The following NADSYN1 variants were observed in gnomAD, a reference collection of about 807,000 sequenced individuals.
The protein encoded by NADSYN1 is glutamine-dependent NAD(+) synthetase.
In NADSYN1, 80 loss-of-function variants were observed where a neutral mutation model predicts 99.3. That is an observed-to-expected ratio of 0.81 (90% CI 0.67 to 0.97). NADSYN1 has a LOEUF of 0.97. Among genes scored for constraint, NADSYN1 ranks in the 50% least tolerant of loss-of-function variants. The pLI is 0.00. For missense variants in NADSYN1, 859 were observed against 948.5 expected, an observed-to-expected ratio of 0.91 and a Z score of 1.24; for synonymous variants, 385 against 372.1, an observed-to-expected ratio of 1.03 and a Z score of -0.40.
At chr11:71,480,927 C>G (rs773566799) in intron 11 of NADSYN1, 48 bp downstream of exon 11, 18 of 1,607,646 alleles carry the variant, frequency 1.1e-5, no homozygotes, top group Non-Finnish European at 1.5e-5. Context: ...TGTGTGGCCA[C>G]GCCCCTGGGG....
intron 3 of NADSYN1, among the ~76,000 whole-genome samples, chr11:71,461,675 C>T (rs890765527): frequency 6.6e-5 from 10 of 152,210 alleles, no homozygotes; most frequent in Non-Finnish European, 1.2e-4. Flanking sequence ...GATCCGCCTG[C>T]CTCAGCCTCC....
intron 3 of NADSYN1, among the ~76,000 whole-genome samples, chr11:71,459,223 G>A (rs1272930197): frequency 6.8e-6 from 1 of 146,180 alleles, no homozygotes; most frequent in African/African-American, 2.6e-5. Flanking sequence ...TGCGGTCCCT[G>A]CATAGCCGCC....
chr11:71,483,003 C>T lies in NADSYN1; in HGVS notation c.1305C>T (p.Ala435=). 1.9e-6 allele frequency: 3 copies of T among 1,612,110 alleles called. No individual in the cohort carries two copies. Among genetic ancestry groups the T allele is most frequent in the Non-Finnish European group, 2.5e-6 (3 of 1,179,578 alleles). The change falls in exon 14 of 21, where the codon GCC becomes GCT. Residue 435 remains alanine (A), a synonymous_variant. Transcript: ENST00000319023. ...CGTGCACCCGGGCCAGAGAGTTGGC[C>T]CAGCAGATTGGAAGGTAGAGTTGGT... ...QETCTRAREL[A]QQIGSHHISL... is the part of the protein sequence containing the mutation.
rs1382754897 is a variant in NADSYN1, at chr11:71,463,493, C to T, written c.317+8C>T. The T allele has an allele frequency of 3.1e-6, 5 of 1,613,408 alleles. No individual in the cohort carries two copies. The highest frequency in any genetic ancestry group is 4.2e-6 in the Non-Finnish European group (5 of 1,179,562). On this transcript the variant is annotated splice_region_variant and intron_variant, in intron 4 of 20. Coordinates refer to ENST00000319023, the MANE Select transcript of NADSYN1 (RefSeq NM_018161.5). ...AGTGATATTCCTCAACAGGTAGGCC[C>T]CCTGCCCCCACCCCGGGAGGGTGAC...
In NADSYN1 at chr11:71,492,049, G is replaced by A. The variant is rs1949783365; in HGVS notation, c.1764+146G>A. ...CTGGCCTGGGTGCCCAGGGCTCAGT[G>A]TCAGTCACATCCCTGGCCTTTGACA... On this transcript the variant is annotated intron_variant, in intron 18 of 20. Transcript: ENST00000319023. 7.5e-6 allele frequency: 5 copies of A among 670,192 alleles called. No individual in the cohort carries two copies. The Admixed American group carries it at 1.2e-4, about 16-fold the overall frequency. The allele number at this position is 670,192 out of a possible 1,614,324, so 41.5% of individuals were successfully genotyped here.
intron 17 of NADSYN1, among the ~76,000 whole-genome samples, chr11:71,491,443 T>TAGTC (rs3838794): frequency 0.89 from 135,499 of 152,066 alleles, 60,848 homozygotes; most frequent in Non-Finnish European, 0.95. Context: ...CAGACATGCT[T>TAGTC]AGCTTCGCCA....
intron 3 of NADSYN1, among the ~76,000 whole-genome samples, chr11:71,461,333 C>T (rs1483289328): frequency 6.6e-6 from 1 of 152,192 alleles, no homozygotes; most frequent in Non-Finnish European, 1.5e-5. Context: ...CACACTTTGT[C>T]TAAGTGAGAA....
intron 10 of NADSYN1, chr11:71,480,326 A>G (rs1949697686): frequency 5.4e-6 from 1 of 184,726 alleles, no homozygotes; most frequent in African/African-American, 2.4e-5. Flanking sequence ...GGCTTCCACC[A>G]CCATGCCCGG....
chr11:71,469,923 C>A, intron 5 of NADSYN1, among the ~76,000 whole-genome samples: 1 of 46,204 alleles, frequency 2.2e-5, no homozygotes, highest in Non-Finnish European at 4.6e-5. Flanking sequence ...AAGAGCCTGT[C>A]TCAGAAAAAA....
At chr11:71,485,682 C>A in intron 16 of NADSYN1, 34 bp downstream of exon 16, 1 of 1,469,614 alleles carries the variant, frequency 6.8e-7, no homozygotes, top group South Asian at 1.2e-5. Flanking sequence ...GGTGGTGGGC[C>A]CCTGAACCTC....
intron 11 of NADSYN1, 67 bp from the exon 12 acceptor site, chr11:71,481,289 G>C (rs1459055285): frequency 6.5e-7 from 1 of 1,538,428 alleles, no homozygotes; most frequent in African/African-American, 1.4e-5. Context: ...GGCCTGCTTG[G>C]GTGGGTTGTT....
rs57662255 is a variant in NADSYN1, at chr11:71,486,796, CTTTTTTTTTTTTTT to C, written c.1562+1162_1562+1175del. On this transcript the variant is annotated intron_variant, in intron 16 of 20. Transcript: ENST00000319023. ...TCCCTTTTTTCTATGGCGTGAGTGT[CTTTTTTTTTTTTTT>C]TTTTTTTTTTTTTGAGATGGAGTCT... Among the ~76,000 whole-genome samples, 135 of 61,010 alleles carry C rather than the reference CTTTTTTTTTTTTTT, an allele frequency of 2.2e-3. 1 individual carries two copies. Among genetic ancestry groups the C allele is most frequent in the African/African-American group, 9.8e-3 (131 of 13,304 alleles). The allele number at this position is 61,010 out of a possible 152,430, so 40.0% of individuals were successfully genotyped here. A position where few individuals can be genotyped will look rare whatever the true frequency, so the allele number is the denominator to read the frequency against.
intron 11 of NADSYN1, 72 bp from the exon 12 acceptor site, chr11:71,481,284 G>T (rs1306382448): frequency 1.3e-6 from 2 of 1,521,548 alleles, no homozygotes; most frequent in East Asian, 2.3e-5. Context: ...CCTGGGGCCT[G>T]CTTGGGTGGG....
At chr11:71,480,937 G>T in intron 11 of NADSYN1, 58 bp downstream of exon 11, 1 of 1,600,882 alleles carries the variant, frequency 6.2e-7, no homozygotes, top group South Asian at 1.1e-5. Context: ...CGCCCCTGGG[G>T]TGGGGACTCC....
At position 71,498,453 on chromosome 11, in the gene NADSYN1, G is replaced by A. The variant is rs145428769; in HGVS notation, c.1995G>A (p.Glu665=). 105 of 1,614,202 alleles carry A rather than the reference G, an allele frequency of 6.5e-5. No homozygotes were observed. The African/African-American group carries it at 1.1e-3, about 18-fold the overall frequency. Residue 665 remains glutamate (E), a synonymous_variant, in exon 20 of 21, where the codon GAG becomes GAA. Coordinates refer to ENST00000319023, the MANE Select transcript of NADSYN1 (RefSeq NM_018161.5). ...ACCACGCCGAGAACTACAGCCCTGA[G>A]GACAACAGGTTTGATCTGCGACCAT... ...PAYHAENYSP[E]DNRFDLRPFL...
Position 71,484,012 on chromosome 11 carries a change from T to G in NADSYN1, c.1320-300T>G, listed in dbSNP as rs950109201. On this transcript the variant is annotated intron_variant, in intron 14 of 20. Coordinates refer to ENST00000319023, the MANE Select transcript of NADSYN1 (RefSeq NM_018161.5). ...GCAATGTCCAGAACAGGCCATGGCA[T>G]AGAGAGAGAGGGTGTCTGTCACTCT... 2.0e-5 allele frequency among the ~76,000 whole-genome samples: 3 copies of G among 152,130 alleles called. No homozygotes were observed. In the East Asian group the frequency reaches 5.8e-4, roughly 29 times the overall value.
intron 7 of NADSYN1, 48 bp downstream of exon 7, chr11:71,473,414 C>G: frequency 6.3e-7 from 1 of 1,582,792 alleles, no homozygotes; most frequent in Non-Finnish European, 8.7e-7. Context: ...TCATATGGGC[C>G]AGCTGGGAGG....
At chr11:71,472,580 C>T (rs1012816804) in intron 6 of NADSYN1, 80 bp downstream of exon 6, 19 of 1,327,310 alleles carry the variant, frequency 1.4e-5, no homozygotes, top group East Asian at 4.6e-5. Context: ...GGGGCGGGAA[C>T]GCTTTGGGAT....
intron 2 of NADSYN1, among the ~76,000 whole-genome samples, chr11:71,458,181 G>A (rs1949525469): frequency 6.6e-6 from 1 of 152,220 alleles, no homozygotes; most frequent in African/African-American, 2.4e-5. Flanking sequence ...CTGATAGAGA[G>A]AGAGTTTTTG....
Sources: allele counts gnomAD v4.1 joint callset (sites outside exome capture counted in the v4.1 genomes callset), GRCh38; gene constraint gnomAD v4.1.1; transcripts MANE v1.5; gene names NCBI Gene and HGNC (gene_info 2026-07-23, HGNC 2026-07-21).